UBE2H: variants seen among roughly 807,000 people sequenced by gnomAD.
UBE2H encodes the protein ubiquitin conjugating enzyme E2 H, also known as ubiquitin-conjugating enzyme E2 H.
In UBE2H, 3 loss-of-function variants were observed where a neutral mutation model predicts 29.0. The ratio of observed to expected loss-of-function variants is 0.10; its 90% CI spans 0.05 to 0.27. The LOEUF (loss-of-function observed/expected upper bound fraction) is 0.27. Among genes scored for constraint, UBE2H ranks in the 10% least tolerant of loss-of-function variants. The pLI, the probability that UBE2H is intolerant of heterozygous loss-of-function variation, is 1.00. For missense variants in UBE2H, 68 were observed against 228.2 expected, an observed-to-expected ratio of 0.30 and a Z score of 4.52; for synonymous variants, 69 against 82.9, an observed-to-expected ratio of 0.83 and a Z score of 0.91.
intron 6 of UBE2H, among the ~76,000 whole-genome samples, chr7:129,835,882 G>A (rs1805315813): frequency 6.6e-6 from 1 of 152,188 alleles, no homozygotes; most frequent in Non-Finnish European, 1.5e-5. Flanking sequence ...CTATAGAGTT[G>A]CGGGGACTCA....
In UBE2H at chr7:129,867,699, T is replaced by TAAAAAAAAAAAAAAAAAGAAAAAC. The variant is rs1805933823; in HGVS notation, c.206-8759_206-8758insGTTTTTCTTTTTTTTTTTTTTTTT. Among the ~76,000 whole-genome samples, 9 of 29,640 alleles carry TAAAAAAAAAAAAAAAAAGAAAAAC rather than the reference T, an allele frequency of 3.0e-4. 1 individual carries two copies. Among genetic ancestry groups the TAAAAAAAAAAAAAAAAAGAAAAAC allele is most frequent in the African/African-American group, 4.4e-4 (3 of 6,882 alleles). The allele number at this position is 29,640 out of a possible 152,430, so 19.4% of individuals were successfully genotyped here. A position where few individuals can be genotyped will look rare whatever the true frequency, so the allele number is the denominator to read the frequency against. On this transcript the variant is annotated intron_variant, in intron 3 of 6. Transcript: ENST00000355621. The stretch of plus-strand genomic sequence containing the variant: ...ATGTACCCTAAAACTTAGAGTATAA[T>TAAAAAAAAAAAAAAAAAGAAAAAC]AAAAAAAAAAAAAAAAAAGAAAACC...
chr7:129,940,198 GA>G (rs1048316535), intron 1 of UBE2H, among the ~76,000 whole-genome samples: 4 of 151,992 alleles, frequency 2.6e-5, no homozygotes, highest in Admixed American at 1.3e-4. Context: ...CTTGATATAT[GA>G]AAAAAAGTTG....
intron 3 of UBE2H, among the ~76,000 whole-genome samples, chr7:129,863,117 A>G (rs890826282): frequency 2.0e-5 from 3 of 152,242 alleles, no homozygotes; most frequent in African/African-American, 7.2e-5. Flanking sequence ...TGACCTGGAG[A>G]GCACACTTGG....
intron 1 of UBE2H, among the ~76,000 whole-genome samples, chr7:129,914,275 C>T (rs1806999830): frequency 1.3e-5 from 2 of 152,010 alleles, no homozygotes; most frequent in Non-Finnish European, 2.9e-5. Flanking sequence ...TCAAGCGATT[C>T]TCCTGCCTCA....
intron 5 of UBE2H, among the ~76,000 whole-genome samples, chr7:129,844,234 G>A (rs1412601363): frequency 1.3e-5 from 2 of 152,184 alleles, no homozygotes; most frequent in Non-Finnish European, 2.9e-5. Flanking sequence ...ACAACTTCGG[G>A]AGGCCAGGAT....
Position 129,949,261 on chromosome 7 carries a change from G to A in UBE2H, c.53+3242C>T, listed in dbSNP as rs536839053. ...GGCAAATCACGCTTTAAGGTCACCA[G>A]AGCCCCAGCTCTCAGACAATCTAAA... is the stretch of plus-strand genomic sequence containing the variant. On this transcript the variant is annotated intron_variant, in intron 1 of 6. Coordinates refer to ENST00000355621, the MANE Select transcript of UBE2H (RefSeq NM_003344.4). Among the ~76,000 whole-genome samples the A allele has an allele frequency of 6.6e-5, 10 of 152,314 alleles. No individual in the cohort carries two copies. The South Asian group carries it at 2.1e-3, about 32-fold the overall frequency.
chr7:129,940,895 T>A (rs56078328), intron 1 of UBE2H, among the ~76,000 whole-genome samples: 10,377 of 152,302 alleles, frequency 0.068, 964 homozygotes, highest in East Asian at 0.45. Context: ...AACAGACTAC[T>A]GTGTTTTCAA....
chr7:129,857,424 C>CA (rs1242876520), intron 5 of UBE2H, 87 bp downstream of exon 5: 10 of 1,422,362 alleles, frequency 7.0e-6, no homozygotes, highest in Non-Finnish European at 8.7e-6. Context: ...ACCAACAAAA[C>CA]ATCTTAAACC....
chr7:129,918,957 G>A (rs555088951), intron 1 of UBE2H, among the ~76,000 whole-genome samples: 7 of 152,004 alleles, frequency 4.6e-5, no homozygotes, highest in Non-Finnish European at 7.4e-5. Flanking sequence ...GGTAGTATAC[G>A]CCTATAGTAC....
chr7:129,910,491 C>T (rs1806910677), intron 1 of UBE2H, among the ~76,000 whole-genome samples: 1 of 152,162 alleles, frequency 6.6e-6, no homozygotes, highest in South Asian at 2.1e-4. Flanking sequence ...ATCAAACTGA[C>T]TTTTAAACCA....
chr7:129,862,621 G>A (rs2727464), intron 3 of UBE2H, among the ~76,000 whole-genome samples: 86,305 of 151,862 alleles, frequency 0.57, 25,113 homozygotes, highest in Middle Eastern at 0.68. Flanking sequence ...CTGGTACCAA[G>A]AGGAGAGGAG....
At chr7:129,897,720 T>C (rs1345576702) in intron 1 of UBE2H, among the ~76,000 whole-genome samples, 1 of 152,114 alleles carries the variant, frequency 6.6e-6, no homozygotes. Flanking sequence ...GTTTCCATTG[T>C]CCCTTTGGAA....
At chr7:129,919,637 G>A (rs1807116594) in intron 1 of UBE2H, among the ~76,000 whole-genome samples, 1 of 152,184 alleles carries the variant, frequency 6.6e-6, no homozygotes, top group Non-Finnish European at 1.5e-5. Context: ...TCTTGGAACA[G>A]CCCCATTTCC....
chr7:129,939,982 G>A (rs777155247), intron 1 of UBE2H, among the ~76,000 whole-genome samples: 29 of 151,460 alleles, frequency 1.9e-4, no homozygotes, highest in Admixed American at 1.8e-3. Flanking sequence ...AAGAAAGAAA[G>A]AAAGAAAAGC....
At chr7:129,924,590 C>T (rs1807226469) in intron 1 of UBE2H, among the ~76,000 whole-genome samples, 1 of 149,656 alleles carries the variant, frequency 6.7e-6, no homozygotes, top group Non-Finnish European at 1.5e-5. Context: ...ACCAGGTATA[C>T]ATATGGTTGT....
Position 129,952,608 on chromosome 7 carries a change from GC to G in UBE2H, c.-54del. On this transcript the variant is annotated 5_prime_UTR_variant, in exon 1 of 7. Coordinates refer to ENST00000355621, the MANE Select transcript of UBE2H (RefSeq NM_003344.4). ...TCGGCCCGTCTGTCACGGGCCCGGG[GC>G]CCCGGCTCTGAGGAGCCCGCGGCCG... 1 of 1,598,912 alleles carries G rather than the reference GC, an allele frequency of 6.3e-7. No homozygotes were observed.
chr7:129,868,365 G>A (rs1427462439), intron 3 of UBE2H, among the ~76,000 whole-genome samples: 2 of 151,928 alleles, frequency 1.3e-5, no homozygotes, highest in African/African-American at 4.8e-5. Flanking sequence ...TGGATCATGA[G>A]GTCAGGAGAT....
At position 129,930,231 on chromosome 7, in the gene UBE2H, G is replaced by A. The variant is rs554211845; in HGVS notation, c.53+22272C>T. 2.7e-4 allele frequency among the ~76,000 whole-genome samples: 41 copies of A among 152,062 alleles called. No homozygotes were observed. In the South Asian group the frequency reaches 8.1e-3, roughly 30 times the overall value. On this transcript the variant is annotated intron_variant, in intron 1 of 6. Transcript: ENST00000355621. Reference sequence around the variant, plus strand: ...CGCTGCAGTGTAATGGCACGATCTCGGCTCACTGCAACCTCTGCCTCCTGG... The same window carrying A: ...CGCTGCAGTGTAATGGCACGATCTCAGCTCACTGCAACCTCTGCCTCCTGG...
At chr7:129,886,329 G>A (rs982241143) in intron 1 of UBE2H, among the ~76,000 whole-genome samples, 7 of 152,130 alleles carry the variant, frequency 4.6e-5, no homozygotes, top group African/African-American at 1.7e-4. Flanking sequence ...TTCCTGGAAT[G>A]CCATTATGAT....
Sources: allele counts gnomAD v4.1 joint callset (sites outside exome capture counted in the v4.1 genomes callset), GRCh38; gene constraint gnomAD v4.1.1; transcripts MANE v1.5; gene names NCBI Gene and HGNC (gene_info 2026-07-23, HGNC 2026-07-21).